The following KHDRBS2 variants were observed in gnomAD, a reference collection of about 807,000 sequenced individuals.
The protein encoded by KHDRBS2 is KH domain-containing, RNA-binding, signal transduction-associated protein 2.
KHDRBS2 carries 26 observed loss-of-function variants against 44.3 expected under a neutral mutation model. The observed-to-expected ratio is 0.59, with a 90% CI of 0.43 to 0.81. The LOEUF is 0.81. Ranked by LOEUF, KHDRBS2 falls within the 40% of genes least tolerant of loss-of-function variation. The pLI, the probability that KHDRBS2 is intolerant of heterozygous loss-of-function variation, is 0.00. For missense variants in KHDRBS2, 476 were observed against 433.1 expected (o/e 1.10, Z -0.88); for synonymous variants, 194 against 151.1 (o/e 1.28, Z -2.08).
In KHDRBS2 at chr6:61,936,617, C is replaced by T. The variant is rs547845144; in HGVS notation, c.484-35246G>A. ...TATGTTGGTTTCCTTCGGGCTTCAG[C>T]TTATCTTGTCCAGTTCTTTCAGTGA... On this transcript the variant is annotated intron_variant, in intron 4 of 8. Coordinates refer to ENST00000281156, the MANE Select transcript of KHDRBS2 (RefSeq NM_152688.4). 5.9e-5 allele frequency among the ~76,000 whole-genome samples: 9 copies of T among 151,932 alleles called. No individual in the cohort carries two copies. In the South Asian group the frequency reaches 1.9e-3, roughly 32 times the overall value.
At chr6:61,880,956 T>G (rs886411035) in intron 6 of KHDRBS2, among the ~76,000 whole-genome samples, 1 of 151,898 alleles carries the variant, frequency 6.6e-6, no homozygotes, top group Non-Finnish European at 1.5e-5. Context: ...CTTAGGAGTG[T>G]CATTAACTAA....
At chr6:61,941,207 G>T (rs1388468110) in intron 4 of KHDRBS2, among the ~76,000 whole-genome samples, 1 of 152,150 alleles carries the variant, frequency 6.6e-6, no homozygotes, top group African/African-American at 2.4e-5. Flanking sequence ...ACCTGAGGTT[G>T]GGCATACACA....
chr6:61,906,849 C>A (rs147043462), intron 4 of KHDRBS2, among the ~76,000 whole-genome samples: 1 of 151,598 alleles, frequency 6.6e-6, no homozygotes, highest in East Asian at 1.9e-4. Context: ...AAGGGTGCTG[C>A]GATAAACATG....
intron 6 of KHDRBS2, among the ~76,000 whole-genome samples, chr6:61,777,508 C>T (rs1782264303): frequency 6.6e-6 from 1 of 151,976 alleles, no homozygotes; most frequent in Non-Finnish European, 1.5e-5. Flanking sequence ...AACATGAAGA[C>T]AGAGAATGCC....
chr6:62,213,873 CAAAAAAAAAAAAA>C (rs67482871), intron 1 of KHDRBS2, among the ~76,000 whole-genome samples: 30 of 41,506 alleles, frequency 7.2e-4, no homozygotes, highest in Admixed American at 4.5e-3. Context: ...GACTCCATCT[CAAAAAAAAAAAAA>C]AAAAAAAAAA....
chr6:61,702,191 T>G (rs2127546298), intron 7 of KHDRBS2, among the ~76,000 whole-genome samples: 1 of 152,048 alleles, frequency 6.6e-6, no homozygotes, highest in African/African-American at 2.4e-5. Context: ...AGACTACATT[T>G]TCTAGTCTCC....
At chr6:62,078,282 T>A (rs1331858477) in intron 2 of KHDRBS2, among the ~76,000 whole-genome samples, 1 of 152,030 alleles carries the variant, frequency 6.6e-6, no homozygotes, top group Non-Finnish European at 1.5e-5. Flanking sequence ...ATACAAGTAA[T>A]AGATGATGCT....
At chr6:61,636,565 G>T in the KHDRBS2 span, among the ~76,000 whole-genome samples, 2 of 152,042 alleles carry the variant, frequency 1.3e-5, no homozygotes, top group Non-Finnish European at 2.9e-5. Context: ...GCTCCCAGGG[G>T]ACATTTGGCA....
chr6:61,550,489 C>G, the KHDRBS2 span, among the ~76,000 whole-genome samples: 205 of 152,110 alleles, frequency 1.3e-3, no homozygotes, highest in Non-Finnish European at 1.1e-3. Context: ...GATAGTGCTG[C>G]AAGGAACAAT....
At chr6:62,010,459 G>C (rs1780091001) in intron 3 of KHDRBS2, among the ~76,000 whole-genome samples, 1 of 152,182 alleles carries the variant, frequency 6.6e-6, no homozygotes, top group Non-Finnish European at 1.5e-5. Flanking sequence ...GGACTGTTGG[G>C]AAGGCATGAT....
At chr6:62,221,107 T>C (rs1178511733) in intron 1 of KHDRBS2, among the ~76,000 whole-genome samples, 3 of 151,196 alleles carry the variant, frequency 2.0e-5, no homozygotes, top group Non-Finnish European at 3.0e-5. Context: ...ATATATACAA[T>C]GAAATATTAC....
At chr6:61,940,400 C>T (rs1035697105) in intron 4 of KHDRBS2, among the ~76,000 whole-genome samples, 62 of 152,192 alleles carry the variant, frequency 4.1e-4, no homozygotes, top group African/African-American at 1.4e-3. Flanking sequence ...AAGAGCACTG[C>T]AATCCTCAAT....
chr6:62,017,827 A>G (rs974275026), intron 3 of KHDRBS2, among the ~76,000 whole-genome samples: 4 of 152,124 alleles, frequency 2.6e-5, no homozygotes, highest in Non-Finnish European at 5.9e-5. Context: ...TCCCAAGTGT[A>G]AGGATGTTCA....
At chr6:62,233,972 A>G (rs1253706235) in intron 1 of KHDRBS2, among the ~76,000 whole-genome samples, 3 of 152,250 alleles carry the variant, frequency 2.0e-5, no homozygotes, top group Admixed American at 1.3e-4. Context: ...TTGGTGATAC[A>G]ATGATTTATA....
chr6:61,992,300 T>C (rs1336668420), intron 3 of KHDRBS2, among the ~76,000 whole-genome samples: 2 of 152,160 alleles, frequency 1.3e-5, no homozygotes, highest in Admixed American at 1.3e-4. Flanking sequence ...ATCTCCTTTG[T>C]GAACACCATT....
At chr6:62,060,629 C>CTATA (rs1283821361) in intron 2 of KHDRBS2, among the ~76,000 whole-genome samples, 29 of 148,584 alleles carry the variant, frequency 2.0e-4, no homozygotes, top group Non-Finnish European at 3.0e-4. Context: ...CTCTCTCTCT[C>CTATA]TCTCTATATA....
chr6:61,828,768 T>A (rs552765432), intron 6 of KHDRBS2, among the ~76,000 whole-genome samples: 2 of 152,354 alleles, frequency 1.3e-5, no homozygotes, highest in East Asian at 3.9e-4. Context: ...CTGACCATCA[T>A]AAGACCTTTG....
intron 2 of KHDRBS2, among the ~76,000 whole-genome samples, chr6:62,156,838 AT>A (rs34408265): frequency 0.18 from 22,704 of 123,834 alleles, 1,821 homozygotes; most frequent in African/African-American, 0.28. Context: ...CGCCCGGCTA[AT>A]TTTTTTTTTT....
chr6:62,128,610 A>G (rs1260798008), intron 2 of KHDRBS2, among the ~76,000 whole-genome samples: 1 of 151,856 alleles, frequency 6.6e-6, no homozygotes, highest in African/African-American at 2.4e-5. Context: ...TGTAGAAGTA[A>G]CACTGTCTCT....
Sources: allele counts gnomAD v4.1 joint callset (sites outside exome capture counted in the v4.1 genomes callset), GRCh38; gene constraint gnomAD v4.1.1; transcripts MANE v1.5; gene names NCBI Gene and HGNC (gene_info 2026-07-23, HGNC 2026-07-21).